UTRN: variants seen among roughly 807,000 people sequenced by gnomAD.
UTRN encodes the protein dystrophin-related protein 1.
A neutral mutation model predicts 463.9 loss-of-function variants in UTRN; 283 were observed. The observed-to-expected ratio is 0.61, with a 90% CI of 0.55 to 0.67. The LOEUF (loss-of-function observed/expected upper bound fraction) is 0.67, where lower values mean the gene tolerates loss of function less well. Among genes scored for constraint, UTRN ranks in the 30% least tolerant of loss-of-function variants. UTRN has a pLI of 0.00. For missense variants in UTRN, 3,922 were observed against 4,084.3 expected (o/e 0.96, Z 1.08); for synonymous variants, 1,442 against 1,431.5 (o/e 1.01, Z -0.17).
chr6:144,764,623 T>C (rs1355334599), intron 58 of UTRN, among the ~76,000 whole-genome samples: 1 of 152,136 alleles, frequency 6.6e-6, no homozygotes, highest in Non-Finnish European at 1.5e-5. Context: ...CTATACTTTA[T>C]AAAGATTAAA....
chr6:144,539,861 A>G (rs1797840046), intron 45 of UTRN, among the ~76,000 whole-genome samples: 1 of 151,948 alleles, frequency 6.6e-6, no homozygotes. Context: ...TGGCCAACAC[A>G]GTGAAACCCC....
At chr6:144,724,590 C>T (rs1787643124) in intron 53 of UTRN, among the ~76,000 whole-genome samples, 2 of 152,086 alleles carry the variant, frequency 1.3e-5, no homozygotes, top group African/African-American at 4.8e-5. Context: ...TATCCCTCCC[C>T]TCCCTCCCCA....
At chr6:144,370,224 A>G (rs1184608032) in intron 2 of UTRN, among the ~76,000 whole-genome samples, 1 of 152,098 alleles carries the variant, frequency 6.6e-6, no homozygotes, top group Non-Finnish European at 1.5e-5. Flanking sequence ...CTCCCATCCC[A>G]AGCCAGGAGG....
rs1439485415 is a variant in UTRN at position 144,510,922 on chromosome 6, T to C, written c.4765-22T>C. On this transcript the variant is annotated intron_variant, in intron 34 of 74. Coordinates refer to ENST00000367545, the MANE Select transcript of UTRN (RefSeq NM_007124.3). ...ATAATATTCTGAAGCATCAAGTAGG[T>C]CTTGGTGTTTTTATTTTCTAGAATG... The C allele has an allele frequency of 2.0e-6, 3 of 1,534,146 alleles. No homozygotes were observed. In the East Asian group the frequency reaches 7.1e-5, roughly 36 times the overall value.
intron 51 of UTRN, among the ~76,000 whole-genome samples, 192 bp from the exon 52 acceptor site, chr6:144,678,214 A>G (rs1781841394): frequency 6.6e-6 from 1 of 152,172 alleles, no homozygotes; most frequent in Non-Finnish European, 1.5e-5. Flanking sequence ...AATCCTAAGC[A>G]AAAAGAACAA....
intron 58 of UTRN, among the ~76,000 whole-genome samples, chr6:144,759,673 G>A (rs574414177): frequency 1.3e-5 from 2 of 152,220 alleles, no homozygotes; most frequent in South Asian, 4.2e-4. Flanking sequence ...AAGTGGCAGG[G>A]GAGGCAGAGA....
Position 144,291,753 on chromosome 6 carries a change from G to T in UTRN, c.-76G>T. 7.5e-7 allele frequency: 1 copy of T among 1,325,572 alleles called. No individual in the cohort carries two copies. Among genetic ancestry groups the T allele is most frequent in the South Asian group, 1.4e-5 (1 of 69,520 alleles). 82.1% of individuals were successfully genotyped at this position (1,325,572 alleles called of 1,614,324 possible). A position where few individuals can be genotyped will look rare whatever the true frequency, so the allele number is the denominator to read the frequency against. On this transcript the variant is annotated 5_prime_UTR_variant, in exon 2 of 75. The change abolishes the stop of an existing upstream ORF in the 5' untranslated region. Transcript: ENST00000367545. Reference sequence around the variant, plus strand: ...TCCTTTTAGGTATTGATGTCAAGCTGAACCATCGTAGGAAGTTGAAAGCCT... The same window carrying T: ...TCCTTTTAGGTATTGATGTCAAGCTTAACCATCGTAGGAAGTTGAAAGCCT...
At chr6:144,571,484 A>G (rs961274763) in intron 50 of UTRN, among the ~76,000 whole-genome samples, 3 of 152,144 alleles carry the variant, frequency 2.0e-5, no homozygotes, top group African/African-American at 7.2e-5. Flanking sequence ...TTACATTTCC[A>G]TATTCTAAAT....
Position 144,732,562 on chromosome 6 carries a change from T to G in UTRN, c.7939+2076T>G, listed in dbSNP as rs549619158. ...TCTTATCATGTAATCATATTCGTGTTTCTCCCCTGATTATACATCTTTCTT... is the reference window on the plus strand; with the variant it reads ...TCTTATCATGTAATCATATTCGTGTGTCTCCCCTGATTATACATCTTTCTT... On this transcript the variant is annotated intron_variant, in intron 54 of 74. Transcript: ENST00000367545. 3.9e-5 allele frequency among the ~76,000 whole-genome samples: 6 copies of G among 152,182 alleles called. No homozygotes were observed. In the Middle Eastern group the frequency reaches 0.01, roughly 259 times the overall value.
chr6:144,380,732 T>A (rs1194666181), intron 2 of UTRN, among the ~76,000 whole-genome samples: 3 of 152,180 alleles, frequency 2.0e-5, no homozygotes, highest in Non-Finnish European at 4.4e-5. Context: ...GGAGGATTAC[T>A]TGAGCACAAG....
At chr6:144,635,530 CTTTTCTTTTTT>C (rs1777066354) in intron 51 of UTRN, among the ~76,000 whole-genome samples, 2,023 of 59,070 alleles carry the variant, frequency 0.034, 83 homozygotes, top group African/African-American at 0.11. Context: ...TTTTTTTTTT[CTTTTCTTTTTT>C]TTTTTTTTTT....
At chr6:144,601,103 G>A (rs1157089295) in intron 51 of UTRN, among the ~76,000 whole-genome samples, 1 of 152,160 alleles carries the variant, frequency 6.6e-6, no homozygotes, top group Non-Finnish European at 1.5e-5. Context: ...AAATATTACT[G>A]CTATTGACAA....
intron 1 of UTRN, among the ~76,000 whole-genome samples, chr6:144,287,655 C>G (rs1311319391): frequency 6.6e-6 from 1 of 152,126 alleles, no homozygotes; most frequent in African/African-American, 2.4e-5. Flanking sequence ...TTAGTTTTGT[C>G]TTTAAGGCTG....
chr6:144,356,433 T>C (rs1778552597), intron 2 of UTRN, among the ~76,000 whole-genome samples: 2 of 152,226 alleles, frequency 1.3e-5, no homozygotes, highest in African/African-American at 4.8e-5. Context: ...TGAGAACTCC[T>C]GATATAAAGC....
chr6:144,828,233 A>C (rs1189433794), intron 68 of UTRN, among the ~76,000 whole-genome samples: 1 of 152,156 alleles, frequency 6.6e-6, no homozygotes, highest in African/African-American at 2.4e-5. Flanking sequence ...GCCAACTAGA[A>C]TTTCTAGGGG....
intron 51 of UTRN, among the ~76,000 whole-genome samples, chr6:144,638,823 G>T (rs1293076695): frequency 6.6e-6 from 1 of 152,044 alleles, no homozygotes; most frequent in Non-Finnish European, 1.5e-5. Context: ...AGGCAATGGG[G>T]CTACTCAAGG....
chr6:144,516,762 T>G (rs1244260818), intron 38 of UTRN, 49 bp from the exon 39 acceptor site: 1 of 1,372,688 alleles, frequency 7.3e-7, no homozygotes, highest in East Asian at 2.7e-5. Context: ...GGAAGTGACC[T>G]TATGCATTTT....
chr6:144,660,081 G>T (rs1779715897), intron 51 of UTRN: 1 of 389,338 alleles, frequency 2.6e-6, no homozygotes, highest in Non-Finnish European at 5.3e-6. Context: ...GCTGCTGATG[G>T]ACCATAGCTC....
chr6:144,421,074 T>C (rs990924171), intron 3 of UTRN, among the ~76,000 whole-genome samples: 1 of 152,216 alleles, frequency 6.6e-6, no homozygotes, highest in East Asian at 1.9e-4. Flanking sequence ...TGGCACGATC[T>C]TGGCTCACTG....
Sources: gnomAD v4.1 joint callset for allele counts (sites outside exome capture counted in the v4.1 genomes callset) on GRCh38, gnomAD v4.1.1 for gene constraint, MANE v1.5 for transcripts, NCBI Gene and HGNC (gene_info 2026-07-23, HGNC 2026-07-21) for gene names.